The following SPOCK1 variants were observed in gnomAD, a reference collection of about 807,000 sequenced individuals.
SPOCK1 encodes the protein testican-1.
SPOCK1 carries 23 observed loss-of-function variants against 55.3 expected under a neutral mutation model. The ratio of observed to expected loss-of-function variants is 0.42; its 90% CI spans 0.30 to 0.59. SPOCK1 has a LOEUF of 0.59. Ranked by LOEUF, SPOCK1 falls within the 20% of genes least tolerant of loss-of-function variation. The pLI, the probability that SPOCK1 is intolerant of heterozygous loss-of-function variation, is 0.22. For synonymous variants in SPOCK1, 226 were observed against 221.0 expected, an observed-to-expected ratio of 1.02 and a Z score of -0.20; for missense variants, 499 against 552.5, an observed-to-expected ratio of 0.90 and a Z score of 0.97.
chr5:137,147,091 T>C (rs1303229682), intron 3 of SPOCK1, among the ~76,000 whole-genome samples: 1 of 152,078 alleles, frequency 6.6e-6, no homozygotes, highest in East Asian at 1.9e-4. Flanking sequence ...TTTGTGTATG[T>C]GTGTGTGTGA....
At chr5:137,388,854 A>T (rs1218055403) in intron 2 of SPOCK1, among the ~76,000 whole-genome samples, 1 of 152,234 alleles carries the variant, frequency 6.6e-6, no homozygotes, top group Non-Finnish European at 1.5e-5. Flanking sequence ...TATCTGAGGG[A>T]TCTTGCCAAC....
chr5:137,199,768 C>A (rs1755379135), intron 3 of SPOCK1, among the ~76,000 whole-genome samples: 1 of 152,170 alleles, frequency 6.6e-6, no homozygotes, highest in South Asian at 2.1e-4. Context: ...TAAATACCAA[C>A]TACAAGCTGA....
intron 6 of SPOCK1, among the ~76,000 whole-genome samples, chr5:137,001,696 G>A (rs1250887271): frequency 2.0e-5 from 3 of 152,156 alleles, no homozygotes; most frequent in African/African-American, 7.2e-5. Context: ...TCTGTAAAAT[G>A]GGAATAATGT....
intron 4 of SPOCK1, among the ~76,000 whole-genome samples, chr5:137,115,556 CA>C: frequency 6.6e-6 from 1 of 152,280 alleles, no homozygotes; most frequent in South Asian, 2.1e-4. Flanking sequence ...TACTTGATAT[CA>C]GGTGGTTATG....
chr5:137,205,226 G>T (rs767285251), intron 3 of SPOCK1, among the ~76,000 whole-genome samples: 4 of 152,146 alleles, frequency 2.6e-5, no homozygotes, highest in Non-Finnish European at 4.4e-5. Flanking sequence ...TTATTCAAGC[G>T]CTGTCAAGGA....
chr5:137,487,052 C>T (rs577889360), intron 2 of SPOCK1, among the ~76,000 whole-genome samples: 53 of 152,302 alleles, frequency 3.5e-4, no homozygotes, highest in African/African-American at 1.2e-3. Flanking sequence ...AACAGTGGAA[C>T]AATGGAAAGA....
rs558632389 is a variant in SPOCK1 at position 137,164,624 on chromosome 5, C to T, written c.233-23930G>A. ...ACCAAGCAAGCTCTTGGAATCCCTGCTTCCAGGTCATGGCTCTTGGACAGC... is the reference window on the plus strand; with the variant it reads ...ACCAAGCAAGCTCTTGGAATCCCTGTTTCCAGGTCATGGCTCTTGGACAGC... On this transcript the variant is annotated intron_variant, in intron 3 of 10. Coordinates refer to ENST00000394945, the MANE Select transcript of SPOCK1 (RefSeq NM_004598.4). Among the ~76,000 whole-genome samples the T allele has an allele frequency of 2.5e-3, 377 of 152,312 alleles. 1 individual carries two copies. The highest frequency in any genetic ancestry group is 4.1e-3 in the Non-Finnish European group (280 of 68,020).
chr5:137,403,352 C>A (rs894948241), intron 2 of SPOCK1, among the ~76,000 whole-genome samples: 1 of 152,294 alleles, frequency 6.6e-6, no homozygotes, highest in South Asian at 2.1e-4. Flanking sequence ...AAAACGGGAA[C>A]ATCCAACAAC....
rs183961813 is a variant in SPOCK1 at position 137,080,325 on chromosome 5, T to C, written c.475-12496A>G. On this transcript the variant is annotated intron_variant, in intron 5 of 10. Coordinates refer to ENST00000394945, the MANE Select transcript of SPOCK1 (RefSeq NM_004598.4). ...GTCTGTGCTCTTAAGAGGTTAATTA[T>C]GTGGTCTCAAGTCAAAATGTTTTCT... 3.9e-5 allele frequency among the ~76,000 whole-genome samples: 6 copies of C among 152,306 alleles called. 1 individual carries two copies. The highest frequency in any genetic ancestry group is 3.9e-4 in the Admixed American group (6 of 15,290).
In SPOCK1 at chr5:137,087,892, C is replaced by G. The variant is rs1468623846; in HGVS notation, c.475-20063G>C. Among the ~76,000 whole-genome samples the G allele has an allele frequency of 2.0e-5, 3 of 152,124 alleles. No homozygotes were observed. In the East Asian group the frequency reaches 5.8e-4, roughly 29 times the overall value. ...CACAGGGGTGGGCTGTATCTAGGAGCCTCCCACCCAGGATTTCTGCAACAA... is the reference window on the plus strand; with the variant it reads ...CACAGGGGTGGGCTGTATCTAGGAGGCTCCCACCCAGGATTTCTGCAACAA... On this transcript the variant is annotated intron_variant, in intron 5 of 10. Coordinates refer to ENST00000394945, the MANE Select transcript of SPOCK1 (RefSeq NM_004598.4).
intron 4 of SPOCK1, among the ~76,000 whole-genome samples, chr5:137,131,352 G>A (rs1315510677): frequency 2.0e-5 from 3 of 152,248 alleles, no homozygotes; most frequent in Non-Finnish European, 4.4e-5. Context: ...GCTCACGCCT[G>A]TAATCCCAGC....
chr5:137,431,045 G>T (rs527950395), intron 2 of SPOCK1, among the ~76,000 whole-genome samples: 19 of 152,294 alleles, frequency 1.2e-4, no homozygotes. Flanking sequence ...TAGGTGTAAT[G>T]TTTGGGGCTG....
chr5:137,130,607 A>G lies in SPOCK1; in HGVS notation c.347+9973T>C, dbSNP rs79090722. Among the ~76,000 whole-genome samples the G allele has an allele frequency of 2.0e-5, 3 of 152,246 alleles. No individual in the cohort carries two copies. In the East Asian group the frequency reaches 5.8e-4, roughly 29 times the overall value. On this transcript the variant is annotated intron_variant, in intron 4 of 10. Transcript: ENST00000394945. The stretch of plus-strand genomic sequence containing the variant: ...GAGAAGGTATCTAGCTCCAGGCCAC[A>G]GGGCCCCTTGTCACTTTGCTGTCTA...
intron 2 of SPOCK1, among the ~76,000 whole-genome samples, chr5:137,444,621 G>A (rs555491014): frequency 6.6e-6 from 1 of 152,306 alleles, no homozygotes; most frequent in East Asian, 1.9e-4. Flanking sequence ...GACTCACTCT[G>A]CTTCCTGAGA....
chr5:137,387,953 G>T (rs1286682417), intron 2 of SPOCK1, among the ~76,000 whole-genome samples: 1 of 152,054 alleles, frequency 6.6e-6, no homozygotes, highest in African/African-American at 2.4e-5. Context: ...AAATGAGTAA[G>T]ATGCAGTCTC....
At chr5:137,066,987 C>CACACACACACACACAGAGAGAGAGAGAG (rs1343691789) in intron 6 of SPOCK1, among the ~76,000 whole-genome samples, 10 of 139,658 alleles carry the variant, frequency 7.2e-5, no homozygotes, top group African/African-American at 2.4e-4. Flanking sequence ...CACACACACA[C>CACACACACACACACAGAGAGAGAGAGAG]AGAGAGAGAG....
rs138577325 is a variant in SPOCK1, at chr5:137,231,593, T to C, written c.232+35417A>G. ...GCATTCCTTTATTATTGCAAAGTAC[T>C]ATTCCATGGTATGGATATGCTACAG... On this transcript the variant is annotated intron_variant, in intron 3 of 10. Coordinates refer to ENST00000394945, the MANE Select transcript of SPOCK1 (RefSeq NM_004598.4). Among the ~76,000 whole-genome samples, 1,436 of 152,374 alleles carry C rather than the reference T, an allele frequency of 9.4e-3. 17 individuals carry two copies. The highest frequency in any genetic ancestry group is 0.032 in the African/African-American group (1,330 of 41,584).
At chr5:137,079,947 T>TCTTCCCA (rs1752853778) in intron 5 of SPOCK1, among the ~76,000 whole-genome samples, 1 of 151,920 alleles carries the variant, frequency 6.6e-6, no homozygotes, top group South Asian at 2.1e-4. Flanking sequence ...TCTAATATTT[T>TCTTCCCA]ATAATTTAGC....
chr5:137,331,399 C>T (rs17522162), intron 2 of SPOCK1, among the ~76,000 whole-genome samples: 18,387 of 152,212 alleles, frequency 0.12, 1,405 homozygotes, highest in East Asian at 0.25. Context: ...CACAATCAGA[C>T]CCTCACTAGG....
Sources: gnomAD v4.1 joint callset for allele counts (sites outside exome capture counted in the v4.1 genomes callset) on GRCh38, gnomAD v4.1.1 for gene constraint, MANE v1.5 for transcripts, NCBI Gene and HGNC (gene_info 2026-07-23, HGNC 2026-07-21) for gene names.